The following PIK3R1 variants were observed in gnomAD, a reference collection of about 807,000 sequenced individuals.
PIK3R1 encodes phosphoinositide-3-kinase regulatory subunit 1.
A neutral mutation model predicts 98.0 loss-of-function variants in PIK3R1; 29 were observed. The observed-to-expected ratio is 0.30, with a 90% CI of 0.22 to 0.40. PIK3R1 has a LOEUF of 0.40. Among genes scored for constraint, PIK3R1 ranks in the 10% least tolerant of loss-of-function variants. The pLI is 1.00. For synonymous variants in PIK3R1, 282 were observed against 311.8 expected (o/e 0.90, Z 1.01); for missense variants, 596 against 872.7 (o/e 0.68, Z 3.99).
chr5:68,284,190 G>A (rs1470394968), intron 7 of PIK3R1, among the ~76,000 whole-genome samples: 6 of 152,104 alleles, frequency 3.9e-5, no homozygotes, highest in Middle Eastern at 3.2e-3. Context: ...GCTATCTATC[G>A]CATCAACTCT....
At chr5:68,274,450 T>G (rs988832228) in intron 4 of PIK3R1, among the ~76,000 whole-genome samples, 2 of 152,224 alleles carry the variant, frequency 1.3e-5, no homozygotes, top group African/African-American at 4.8e-5. Flanking sequence ...ACCTTTCCCT[T>G]CCATTTTCCT....
chr5:68,284,607 C>T (rs1747004410), intron 7 of PIK3R1, among the ~76,000 whole-genome samples: 1 of 152,220 alleles, frequency 6.6e-6, no homozygotes, highest in Non-Finnish European at 1.5e-5. Context: ...GTTAAGTCGA[C>T]CCATTCAGTA....
At chr5:68,240,638 A>C (rs562436249) in intron 2 of PIK3R1, among the ~76,000 whole-genome samples, 6 of 152,326 alleles carry the variant, frequency 3.9e-5, no homozygotes, top group African/African-American at 1.4e-4. Flanking sequence ...TGCCTACCCC[A>C]AATAAGTGAA....
At chr5:68,218,266 G>A (rs1423508402) in intron 1 of PIK3R1, among the ~76,000 whole-genome samples, 1 of 152,284 alleles carries the variant, frequency 6.6e-6, no homozygotes, top group African/African-American at 2.4e-5. Flanking sequence ...TTCACCTAAC[G>A]TGATTTTTGA....
Position 68,299,434 on chromosome 5 carries a change from G to C in PIK3R1, c.*1833G>C, listed in dbSNP as rs202050841. The C allele has an allele frequency of 3.9e-5, 9 of 231,110 alleles. No individual in the cohort carries two copies. The South Asian group carries it at 5.5e-4, about 14-fold the overall frequency. 14.3% of individuals were successfully genotyped at this position (231,110 alleles called of 1,614,324 possible). On this transcript the variant is annotated 3_prime_UTR_variant, in exon 16 of 16. Transcript: ENST00000521381. The stretch of plus-strand genomic sequence containing the variant: ...CTAATCATTGTATGTGCTTCACTAC[G>C]GGGGGGAGAAGGAAACGTTAGCATC...
In PIK3R1 at chr5:68,292,739, ACT is replaced by A. The variant is rs1747462715; in HGVS notation, c.1020-359_1020-358del. The A allele has an allele frequency of 7.9e-6, 10 of 1,271,932 alleles. No individual in the cohort carries two copies. The South Asian group carries it at 1.4e-4, about 17-fold the overall frequency. 78.8% of individuals were successfully genotyped at this position (1,271,932 alleles called of 1,614,324 possible). ...GGGAAGGGGGAGTAAGGTTGGAGAA[ACT>A]CTTTTGAGATCATGAGTTTCTGTGC... On this transcript the variant is annotated intron_variant, in intron 8 of 15. Coordinates refer to ENST00000521381, the MANE Select transcript of PIK3R1 (RefSeq NM_181523.3).
rs1747876992 is a variant in PIK3R1 at position 68,298,866 on chromosome 5, A to G, written c.*1265A>G. ...AAAGAATTGTGAACTTCTTGAATCT[A>G]GGGAGGGGGAATGTAGTGAAGGGAT... On this transcript the variant is annotated 3_prime_UTR_variant, in exon 16 of 16. Transcript: ENST00000521381. 2 of 198,196 alleles carry G rather than the reference A, an allele frequency of 1.0e-5. No homozygotes were observed. Among genetic ancestry groups the G allele is most frequent in the Admixed American group, 1.3e-4 (2 of 15,552 alleles). 12.3% of individuals were successfully genotyped at this position (198,196 alleles called of 1,614,324 possible).
rs748989437 is a variant in PIK3R1, at chr5:68,296,195, TGAA to T, written c.1842_1844del (p.Glu614del). ...GCCAATATTCACTGGTGGAAGATGA[TGAA>T]GATTTGCCCCATCATGATGAGAAGA... On this transcript the variant is annotated inframe_deletion, in exon 15 of 16. Coordinates refer to ENST00000521381, the MANE Select transcript of PIK3R1 (RefSeq NM_181523.3). 13 of 1,614,138 alleles carry T rather than the reference TGAA, an allele frequency of 8.1e-6. No individual in the cohort carries two copies. The highest frequency in any genetic ancestry group is 1.1e-5 in the Non-Finnish European group (13 of 1,180,022).
rs2112290539 is a variant in PIK3R1 at position 68,297,450 on chromosome 5, C to T, written c.2024C>T (p.Thr675Ile). The T allele has an allele frequency of 6.2e-7, 1 of 1,614,120 alleles. No individual in the cohort carries two copies. Among genetic ancestry groups the T allele is most frequent in the Non-Finnish European group, 8.5e-7 (1 of 1,179,970 alleles). The change falls in exon 16 of 16, where the codon ACA becomes ATA. Residue 675 changes from threonine to isoleucine, a missense_variant. By Grantham distance (89) the Thr-to-Ile change is moderately conservative. Coordinates refer to ENST00000521381, the MANE Select transcript of PIK3R1 (RefSeq NM_181523.3). The stretch of plus-strand genomic sequence containing the variant: ...GTAAAGCATTGTGTCATAAACAAAA[C>T]AGCAACTGGCTATGGCTTTGCCGAG... ...GEVKHCVINK[T>I]ATGYGFAEPY...
At chr5:68,289,486 A>G (rs1490228692) in intron 7 of PIK3R1, among the ~76,000 whole-genome samples, 1 of 152,060 alleles carries the variant, frequency 6.6e-6, no homozygotes, top group African/African-American at 2.4e-5. Context: ...CAAATATGTG[A>G]CATACATGTG....
intron 7 of PIK3R1, among the ~76,000 whole-genome samples, chr5:68,282,145 CAG>C (rs1456365159): frequency 1.3e-5 from 2 of 152,112 alleles, no homozygotes; most frequent in Non-Finnish European, 2.9e-5. Flanking sequence ...AATGTTTTAA[CAG>C]GGGTGCCCAG....
rs1445760 is a variant in PIK3R1, at chr5:68,297,188, T to C, written c.1986-224T>C. On this transcript the variant is annotated intron_variant, in intron 15 of 15. Transcript: ENST00000521381. ...TTTCTCAAAGTAACTGTATTACATG[T>C]ATTTTACTATTGTCTTCCCTTTAAA... Among the ~76,000 whole-genome samples, 94,472 of 152,158 alleles carry C rather than the reference T, an allele frequency of 0.62. 30,979 individuals are homozygous for C. The highest frequency in any genetic ancestry group is 0.85 in the African/African-American group (35,341 of 41,528).
Position 68,296,468 on chromosome 5 carries a change from A to G in PIK3R1, c.1985+127A>G, listed in dbSNP as rs927978450. 5.7e-5 allele frequency: 49 copies of G among 860,792 alleles called. 1 individual carries two copies. The highest frequency in any genetic ancestry group is 8.7e-5 in the Non-Finnish European group (49 of 560,166). The allele number at this position is 860,792 out of a possible 1,614,324, so 53.3% of individuals were successfully genotyped here. A position where few individuals can be genotyped will look rare whatever the true frequency, so the allele number is the denominator to read the frequency against. On this transcript the variant is annotated intron_variant, in intron 15 of 15. Coordinates refer to ENST00000521381, the MANE Select transcript of PIK3R1 (RefSeq NM_181523.3). ...TCTTGAATAAGCTTACAGTACAATA[A>G]TGTAGAAGAGAAACCAAAGCAGCTG...
intron 1 of PIK3R1, chr5:68,217,501 G>C (rs1053878520): frequency 7.9e-5 from 12 of 152,188 alleles, no homozygotes; most frequent in African/African-American, 2.9e-4. Context: ...CTTTTTGACA[G>C]ATTACACTGT....
In PIK3R1 at chr5:68,300,509, G is replaced by A; in HGVS notation, c.*2908G>A. 8.6e-6 allele frequency: 2 copies of A among 233,246 alleles called. No homozygotes were observed. Among genetic ancestry groups the A allele is most frequent in the Non-Finnish European group, 8.5e-6 (1 of 118,028 alleles). The allele number at this position is 233,246 out of a possible 1,614,324, so 14.4% of individuals were successfully genotyped here. On this transcript the variant is annotated 3_prime_UTR_variant, in exon 16 of 16. Transcript: ENST00000521381. The stretch of plus-strand genomic sequence containing the variant: ...TAAGCTGCAGTGAGGCTGTGATTGG[G>A]CGTAGAAGTGGGAGCATTGGGACCT...
chr5:68,269,859 A>G (rs1051078890), intron 2 of PIK3R1, among the ~76,000 whole-genome samples: 9 of 149,768 alleles, frequency 6.0e-5, no homozygotes, highest in African/African-American at 2.2e-4. Context: ...TGTACTAAGG[A>G]ATAGAAAATC....
intron 4 of PIK3R1, among the ~76,000 whole-genome samples, chr5:68,276,815 ATTAAC>A (rs1034940491): frequency 3.9e-5 from 6 of 152,224 alleles, no homozygotes; most frequent in African/African-American, 1.4e-4. Flanking sequence ...GCTTTGATGA[ATTAAC>A]TTCACTTGTG....
chr5:68,277,359 A>C lies in PIK3R1; in HGVS notation c.503-2243A>C, dbSNP rs140045946. ...ACTACAGTGGTATTGCCCCTCCCACACTTGTTAAACATGTGATATGTCTCT... is the reference window on the plus strand; with the variant it reads ...ACTACAGTGGTATTGCCCCTCCCACCCTTGTTAAACATGTGATATGTCTCT... On this transcript the variant is annotated intron_variant, in intron 4 of 15. Transcript: ENST00000521381. Among the ~76,000 whole-genome samples, 346 of 152,290 alleles carry C rather than the reference A, an allele frequency of 2.3e-3. 2 individuals carry two copies. Among genetic ancestry groups the C allele is most frequent in the East Asian group, 0.014 (74 of 5,186 alleles).
At chr5:68,244,518 C>CCCG (rs1561267484) in intron 2 of PIK3R1, among the ~76,000 whole-genome samples, 1 of 28,976 alleles carries the variant, frequency 3.5e-5, no homozygotes, top group Admixed American at 2.2e-4. Flanking sequence ...TAGGACCGCC[C>CCCG]CCCCGCCCCC....
Sources: gnomAD v4.1 joint callset for allele counts (sites outside exome capture counted in the v4.1 genomes callset) on GRCh38, gnomAD v4.1.1 for gene constraint, MANE v1.5 for transcripts, NCBI Gene and HGNC (gene_info 2026-07-23, HGNC 2026-07-21) for gene names.